The following FAM13B variants were observed in gnomAD, a reference collection of about 807,000 sequenced individuals.
FAM13B encodes protein FAM13B.
In FAM13B, 60 loss-of-function variants were observed where a neutral mutation model predicts 117.3. The ratio of observed to expected loss-of-function variants is 0.51; its 90% CI spans 0.42 to 0.63. The LOEUF (loss-of-function observed/expected upper bound fraction) is 0.63. Ranked by LOEUF, FAM13B falls within the 30% of genes least tolerant of loss-of-function variation. FAM13B has a pLI of 0.00. For synonymous variants in FAM13B, 332 were observed against 356.1 expected, an observed-to-expected ratio of 0.93 and a Z score of 0.76; for missense variants, 972 against 1,091.9, an observed-to-expected ratio of 0.89 and a Z score of 1.55.
At position 138,032,783 on chromosome 5, in the gene FAM13B, G is replaced by C. The variant is rs933420287; in HGVS notation, c.-204C>G. 1.1e-4 allele frequency: 108 copies of C among 985,786 alleles called. No individual in the cohort carries two copies. Among genetic ancestry groups the C allele is most frequent in the Non-Finnish European group, 1.2e-4 (100 of 829,998 alleles). The allele number at this position is 985,786 out of a possible 1,614,324, so 61.1% of individuals were successfully genotyped here. ...CCGGGTACCCGCCCGTTTACCTACC[G>C]TTGGAACCGCGATGCCCCGTTCCCT... is the stretch of plus-strand genomic sequence containing the variant. On this transcript the variant is annotated splice_region_variant and 5_prime_UTR_variant, in exon 1 of 24. Transcript: ENST00000689681.
intron 17 of FAM13B, among the ~76,000 whole-genome samples, chr5:137,951,209 C>CAAAAAAA (rs1158310740): frequency 2.5e-3 from 157 of 61,992 alleles, no homozygotes; most frequent in East Asian, 3.4e-3. Flanking sequence ...CTGTCTCAAA[C>CAAAAAAA]AAAAAAAAAA....
intron 6 of FAM13B, among the ~76,000 whole-genome samples, chr5:138,009,651 A>G (rs917024513): frequency 6.6e-6 from 1 of 152,074 alleles, no homozygotes; most frequent in African/African-American, 2.4e-5. Context: ...CTAAAAATAC[A>G]AAAATTAGCC....
intron 9 of FAM13B, among the ~76,000 whole-genome samples, chr5:137,986,432 C>G (rs970614790): frequency 7.4e-5 from 4 of 54,354 alleles, no homozygotes; most frequent in Non-Finnish European, 1.8e-4. Context: ...ATCTTCCCCC[C>G]CCCAAAAAAA....
chr5:137,945,755 C>A, intron 20 of FAM13B, 147 bp downstream of exon 20: 1 of 571,812 alleles, frequency 1.7e-6, no homozygotes, highest in South Asian at 2.9e-5. Context: ...TATTAGTTTC[C>A]TATTTTAAAA....
At chr5:138,027,785 T>C (rs79631593) in intron 1 of FAM13B, among the ~76,000 whole-genome samples, 2,826 of 152,234 alleles carry the variant, frequency 0.019, 101 homozygotes, top group African/African-American at 0.064. Flanking sequence ...AAGGAGGTGA[T>C]TGGATCATGG....
rs777262884 is a variant in FAM13B at position 137,949,189 on chromosome 5, A to G, written c.1931-5T>C. On this transcript the variant is annotated splice_polypyrimidine_tract_variant and splice_region_variant and intron_variant, in intron 17 of 23. Coordinates refer to ENST00000689681, the MANE Select transcript of FAM13B (RefSeq NM_001385994.1). ...CAGAATTTTTGTGTTTTGCATCTAC[A>G]TGTCAGAAATAAGGACAGATCAGTA... 3.1e-6 allele frequency: 5 copies of G among 1,609,846 alleles called. No individual in the cohort carries two copies. Among genetic ancestry groups the G allele is most frequent in the South Asian group, 1.1e-5 (1 of 91,008 alleles).
chr5:137,953,292 C>A, intron 16 of FAM13B, 44 bp downstream of exon 16: 2 of 1,604,162 alleles, frequency 1.2e-6, no homozygotes, highest in East Asian at 2.2e-5. Context: ...CCTCTCAGTT[C>A]TAATATTAGA....
chr5:138,002,937 G>A (rs987297537), intron 7 of FAM13B, among the ~76,000 whole-genome samples: 55 of 151,620 alleles, frequency 3.6e-4, no homozygotes, highest in Non-Finnish European at 7.1e-4. Flanking sequence ...GCCTCCCAAA[G>A]TGCTGGGATT....
chr5:137,963,631 A>G (rs1191158413), intron 10 of FAM13B, among the ~76,000 whole-genome samples: 4 of 152,192 alleles, frequency 2.6e-5, no homozygotes, highest in Admixed American at 1.3e-4. Flanking sequence ...TTTATGATCA[A>G]TAACAGGTGT....
At chr5:137,990,744 C>T (rs971498519) in intron 7 of FAM13B, among the ~76,000 whole-genome samples, 2 of 151,876 alleles carry the variant, frequency 1.3e-5, no homozygotes, top group African/African-American at 4.8e-5. Context: ...CACTTGAGCC[C>T]AGGAGTTTGA....
At chr5:138,039,599 CT>C (rs55948416) in intron 1 of FAM13B, 27,369 of 141,038 alleles carry the variant, frequency 0.19, 2,683 homozygotes, top group African/African-American at 0.25. Context: ...CCATGCCCAG[CT>C]TTTTTTTTTT....
At chr5:137,970,892 A>T (rs1430126805) in intron 10 of FAM13B, among the ~76,000 whole-genome samples, 2 of 152,110 alleles carry the variant, frequency 1.3e-5, no homozygotes, top group Non-Finnish European at 2.9e-5. Flanking sequence ...AAAGGGATCA[A>T]TTCAACAAGA....
At chr5:138,006,205 CT>C (rs1281887653) in intron 7 of FAM13B, among the ~76,000 whole-genome samples, 1 of 152,102 alleles carries the variant, frequency 6.6e-6, no homozygotes, top group Admixed American at 6.6e-5. Context: ...CCTATTTCCT[CT>C]TCTTTTTAAC....
chr5:137,989,346 T>G (rs987247647), intron 7 of FAM13B, among the ~76,000 whole-genome samples: 1 of 152,210 alleles, frequency 6.6e-6, no homozygotes. Flanking sequence ...AGTAGCGAAG[T>G]GAACAAATGC....
In FAM13B at chr5:138,019,070, G is replaced by A. The variant is rs534692625; in HGVS notation, c.42C>T (p.Ser14=). The A allele has an allele frequency of 2.5e-6, 4 of 1,613,884 alleles. No individual in the cohort carries two copies. The highest frequency in any genetic ancestry group is 3.4e-6 in the Non-Finnish European group (4 of 1,179,968). ...TTCCAAATATTTTGTTAGCAAGAACGGAGTTGCAGTTACTCAAGGAAGGGG... is the reference window on the plus strand; with the variant it reads ...TTCCAAATATTTTGTTAGCAAGAACAGAGTTGCAGTTACTCAAGGAAGGGG... The part of the protein sequence containing the change: ...SSSPSLSNCN[S]VLANKIFGIP... Residue 14 remains serine (S), a synonymous_variant, in exon 3 of 24, where the codon TCC becomes TCT. Coordinates refer to ENST00000689681, the MANE Select transcript of FAM13B (RefSeq NM_001385994.1).
At chr5:138,027,302 T>C (rs1195789400) in intron 1 of FAM13B, among the ~76,000 whole-genome samples, 2 of 152,152 alleles carry the variant, frequency 1.3e-5, no homozygotes, top group Non-Finnish European at 2.9e-5. Context: ...AAAAACTACA[T>C]AAATACATCC....
intron 2 of FAM13B, 97 bp downstream of exon 2, chr5:138,020,933 TA>T: frequency 3.9e-6 from 3 of 776,714 alleles, no homozygotes; most frequent in Non-Finnish European, 5.2e-6. Flanking sequence ...CTAAGAACTA[TA>T]AAACCTCAAG....
Position 138,033,061 on chromosome 5 carries a change from G to T in FAM13B, c.-482C>A, listed in dbSNP as rs906668032. 4.1e-6 allele frequency: 4 copies of T among 986,368 alleles called. No individual in the cohort carries two copies. Among genetic ancestry groups the T allele is most frequent in the Non-Finnish European group, 4.8e-6 (4 of 830,770 alleles). The allele number at this position is 986,368 out of a possible 1,614,324, so 61.1% of individuals were successfully genotyped here. On this transcript the variant is annotated 5_prime_UTR_variant, in exon 1 of 24. Coordinates refer to ENST00000689681, the MANE Select transcript of FAM13B (RefSeq NM_001385994.1). Reference sequence around the variant, plus strand: ...TGAGGTGCAGAGCCTCCCTAACGGCGAGCGGGAGGAGAGCGGCTGGCGGGC... The same window carrying T: ...TGAGGTGCAGAGCCTCCCTAACGGCTAGCGGGAGGAGAGCGGCTGGCGGGC...
intron 10 of FAM13B, among the ~76,000 whole-genome samples, chr5:137,975,980 C>CTTTTTTTTTTTTTTTTTTTTTTTTT (rs57478594): frequency 9.1e-6 from 1 of 110,204 alleles, no homozygotes; most frequent in Non-Finnish European, 1.7e-5. Context: ...TCAACTCTTC[C>CTTTTTTTTTTTTTTTTTTTTTTTTT]TTTTTTTTTT....
Sources: allele counts gnomAD v4.1 joint callset (sites outside exome capture counted in the v4.1 genomes callset), GRCh38; gene constraint gnomAD v4.1.1; transcripts MANE v1.5; gene names NCBI Gene and HGNC (gene_info 2026-07-23, HGNC 2026-07-21).